Variants in ITFG1 observed in about 807,000 individuals in gnomAD.
ITFG1 encodes integrin alpha FG-GAP repeat containing 1.
ITFG1 carries 34 observed loss-of-function variants against 81.8 expected under a neutral mutation model. That is an observed-to-expected ratio of 0.42 (90% CI 0.32 to 0.55). ITFG1 has a LOEUF of 0.55. Among genes scored for constraint, ITFG1 ranks in the 20% least tolerant of loss-of-function variants. ITFG1 has a pLI of 0.17. For synonymous variants in ITFG1, 285 were observed against 270.6 expected (o/e 1.05, Z -0.52); for missense variants, 672 against 755.4 (o/e 0.89, Z 1.29).
intron 12 of ITFG1, among the ~76,000 whole-genome samples, chr16:47,250,764 T>C (rs1439889311): frequency 2.0e-5 from 3 of 152,136 alleles, no homozygotes; most frequent in Non-Finnish European, 2.9e-5. Context: ...GTGAGTAGGA[T>C]TGAGAAAGAG....
intron 5 of ITFG1, among the ~76,000 whole-genome samples, chr16:47,443,395 T>C (rs926261233): frequency 2.6e-5 from 4 of 152,300 alleles, no homozygotes; most frequent in Middle Eastern, 3.4e-3. Context: ...GTCCCATTAC[T>C]GGGTATATAC....
intron 8 of ITFG1, among the ~76,000 whole-genome samples, chr16:47,345,538 A>T (rs1273327703): frequency 2.0e-5 from 3 of 152,054 alleles, no homozygotes; most frequent in African/African-American, 4.8e-5. Flanking sequence ...ACCTCAAGAG[A>T]TCCGCCCACC....
intron 10 of ITFG1, among the ~76,000 whole-genome samples, chr16:47,282,108 T>G (rs1966457073): frequency 6.6e-6 from 1 of 151,782 alleles, no homozygotes; most frequent in South Asian, 2.1e-4. Context: ...GTACAATATA[T>G]CCTATTGTAC....
At chr16:47,211,283 T>C (rs995178790) in intron 14 of ITFG1, among the ~76,000 whole-genome samples, 3 of 152,214 alleles carry the variant, frequency 2.0e-5, no homozygotes, top group Admixed American at 6.5e-5. Flanking sequence ...TTTTGAGTGA[T>C]TGAGAATAGA....
chr16:47,211,752 G>A (rs1965563428), intron 14 of ITFG1, among the ~76,000 whole-genome samples: 1 of 152,078 alleles, frequency 6.6e-6, no homozygotes, highest in African/African-American at 2.4e-5. Flanking sequence ...TTCGGCATCA[G>A]TTAATATGAC....
Position 47,286,569 on chromosome 16 carries a change from G to A in ITFG1, c.1070+24671C>T, listed in dbSNP as rs190737168. Among the ~76,000 whole-genome samples, 489 of 152,026 alleles carry A rather than the reference G, an allele frequency of 3.2e-3. 3 individuals carry two copies. Among genetic ancestry groups the A allele is most frequent in the African/African-American group, 0.011 (461 of 41,442 alleles). On this transcript the variant is annotated intron_variant, in intron 10 of 17. Coordinates refer to ENST00000320640, the MANE Select transcript of ITFG1 (RefSeq NM_030790.5). ...GCAGGAGAATCACTTGAACCCGGGAGGCAGAGGTTGTGGTGAGCCAAGATC... is the reference window on the plus strand; with the variant it reads ...GCAGGAGAATCACTTGAACCCGGGAAGCAGAGGTTGTGGTGAGCCAAGATC...
At chr16:47,186,825 C>T (rs1227608375) in intron 14 of ITFG1, among the ~76,000 whole-genome samples, 1 of 152,192 alleles carries the variant, frequency 6.6e-6, no homozygotes, top group East Asian at 1.9e-4. Flanking sequence ...CAAATTGTCC[C>T]TGTTTGCAGA....
At chr16:47,227,844 T>C (rs541237301) in intron 13 of ITFG1, among the ~76,000 whole-genome samples, 1 of 152,182 alleles carries the variant, frequency 6.6e-6, no homozygotes, top group African/African-American at 2.4e-5. Flanking sequence ...AATAGCTGAC[T>C]TATAGAGTGG....
In ITFG1 at chr16:47,418,613, C is replaced by G. The variant is rs183861191; in HGVS notation, c.655+10191G>C. Among the ~76,000 whole-genome samples the G allele has an allele frequency of 1.6e-3, 244 of 152,126 alleles. 1 individual carries two copies. Among genetic ancestry groups the G allele is most frequent in the African/African-American group, 5.7e-3 (235 of 41,520 alleles). On this transcript the variant is annotated intron_variant, in intron 6 of 17. Transcript: ENST00000320640. The stretch of plus-strand genomic sequence containing the variant: ...CTTTTTCATACTGATGTACAGTTTT[C>G]CCAGCACTATTTATTAAAGAAAGTT...
At chr16:47,222,659 T>C (rs1342289002) in intron 13 of ITFG1, among the ~76,000 whole-genome samples, 6 of 152,158 alleles carry the variant, frequency 3.9e-5, no homozygotes, top group African/African-American at 1.4e-4. Flanking sequence ...GTGATCCGCC[T>C]GCCTCGGCCT....
intron 5 of ITFG1, chr16:47,449,693 C>G (rs1334065819): frequency 6.6e-6 from 1 of 151,816 alleles, no homozygotes; most frequent in Non-Finnish European, 1.5e-5. Flanking sequence ...CAGAATATAA[C>G]ATATAAAAAA....
At chr16:47,163,914 TACACACACACACAC>T (rs56117889) in intron 14 of ITFG1, among the ~76,000 whole-genome samples, 3 of 139,320 alleles carry the variant, frequency 2.2e-5, no homozygotes, top group Non-Finnish European at 3.2e-5. Context: ...GAAGCTCAAC[TACACACACACACAC>T]ACACACACAC....
At chr16:47,400,138 G>C (rs577404735) in intron 6 of ITFG1, among the ~76,000 whole-genome samples, 2 of 152,292 alleles carry the variant, frequency 1.3e-5, no homozygotes, top group Admixed American at 6.5e-5. Context: ...AGATCCACCT[G>C]ACCCCAGAGC....
chr16:47,398,718 C>G (rs1050699953), intron 6 of ITFG1, among the ~76,000 whole-genome samples: 1 of 152,180 alleles, frequency 6.6e-6, no homozygotes, highest in Non-Finnish European at 1.5e-5. Context: ...AATCTGCTGG[C>G]AGGTTTTCTG....
At chr16:47,271,625 C>T (rs747351999) in intron 10 of ITFG1, among the ~76,000 whole-genome samples, 6 of 152,140 alleles carry the variant, frequency 3.9e-5, no homozygotes, top group Admixed American at 2.0e-4. Flanking sequence ...TTTGGGAGGC[C>T]GAGGCGGGTG....
intron 8 of ITFG1, among the ~76,000 whole-genome samples, chr16:47,324,864 G>C (rs963663796): frequency 6.6e-6 from 1 of 152,116 alleles, no homozygotes. Context: ...AAGAGACTTA[G>C]ACTCCCACAC....
chr16:47,438,654 G>T (rs1239908298), intron 5 of ITFG1, among the ~76,000 whole-genome samples: 1 of 151,870 alleles, frequency 6.6e-6, no homozygotes, highest in East Asian at 1.9e-4. Context: ...CTAACAAACA[G>T]AATGGACATC....
chr16:47,420,180 A>T (rs936320446), intron 6 of ITFG1, among the ~76,000 whole-genome samples: 7 of 152,102 alleles, frequency 4.6e-5, no homozygotes, highest in African/African-American at 1.4e-4. Context: ...TTCTAGTTGT[A>T]TTCCATTGTG....
intron 14 of ITFG1, among the ~76,000 whole-genome samples, chr16:47,204,391 C>T (rs1965466210): frequency 6.6e-6 from 1 of 152,198 alleles, no homozygotes; most frequent in African/African-American, 2.4e-5. Context: ...AACTAGCTGA[C>T]TTTATAAGCT....
Sources: allele counts gnomAD v4.1 joint callset (sites outside exome capture counted in the v4.1 genomes callset), GRCh38; gene constraint gnomAD v4.1.1; transcripts MANE v1.5; gene names NCBI Gene and HGNC (gene_info 2026-07-23, HGNC 2026-07-21).